LRP1B: variants seen among roughly 807,000 people sequenced by gnomAD.
The protein encoded by LRP1B is low-density lipoprotein receptor-related protein 1B.
In LRP1B, 217 loss-of-function variants were observed where a neutral mutation model predicts 556.6. The observed-to-expected ratio is 0.39, with a 90% CI of 0.35 to 0.44. The LOEUF is 0.44. LRP1B is among the 20% of genes least tolerant of loss of function. The probability of loss-of-function intolerance (pLI) is 1.00; values close to 1 mark genes in which losing one functional copy is unlikely to be tolerated. For missense variants in LRP1B, 5,053 were observed against 5,620.8 expected, an observed-to-expected ratio of 0.90 and a Z score of 3.23; for synonymous variants, 2,047 against 1,865.8, an observed-to-expected ratio of 1.10 and a Z score of -2.50.
rs555363651 is a variant in LRP1B at position 140,791,560 on chromosome 2, G to A, written c.5360-15322C>T. Among the ~76,000 whole-genome samples, 4 of 152,294 alleles carry A rather than the reference G, an allele frequency of 2.6e-5. No homozygotes were observed. The South Asian group carries it at 8.3e-4, about 32-fold the overall frequency. ...AATATGATGTTATTTTGTCCTGATA[G>A]AATGGCAATCTCTGCACTCTCTGGT... On this transcript the variant is annotated intron_variant, in intron 32 of 90. Coordinates refer to ENST00000389484, the MANE Select transcript of LRP1B (RefSeq NM_018557.3).
intron 2 of LRP1B, among the ~76,000 whole-genome samples, chr2:141,743,966 T>A (rs865927569): frequency 4.9e-5 from 6 of 123,602 alleles, no homozygotes; most frequent in East Asian, 2.5e-4. Context: ...TGTTTGATTC[T>A]TTATATTGTT....
chr2:141,169,351 C>T (rs942811911), intron 7 of LRP1B, among the ~76,000 whole-genome samples: 5 of 150,778 alleles, frequency 3.3e-5, no homozygotes, highest in African/African-American at 9.7e-5. Context: ...AGAGATGGGA[C>T]GTATGTAAGG....
chr2:142,013,433 C>G (rs1289898607), intron 1 of LRP1B, among the ~76,000 whole-genome samples: 1 of 152,000 alleles, frequency 6.6e-6, no homozygotes, highest in Non-Finnish European at 1.5e-5. Context: ...AGTTTTGTAA[C>G]AGACTAGTGT....
chr2:141,713,787 G>C (rs1481575246), intron 2 of LRP1B, among the ~76,000 whole-genome samples: 1 of 152,048 alleles, frequency 6.6e-6, no homozygotes, highest in African/African-American at 2.4e-5. Context: ...ATGAATCTTT[G>C]GAAAATATTT....
intron 32 of LRP1B, among the ~76,000 whole-genome samples, chr2:140,808,414 TGTTA>T (rs1442568925): frequency 1.3e-5 from 2 of 152,190 alleles, no homozygotes; most frequent in African/African-American, 4.8e-5. Context: ...GTTAAGCAGT[TGTTA>T]GTTCACACAG....
At chr2:141,196,683 C>T (rs1267403606) in intron 6 of LRP1B, among the ~76,000 whole-genome samples, 4 of 152,072 alleles carry the variant, frequency 2.6e-5, no homozygotes, top group Non-Finnish European at 5.9e-5. Context: ...CTACAAAACT[C>T]CTCCCCAAAT....
chr2:140,423,285 T>G (rs1255975983), intron 66 of LRP1B, among the ~76,000 whole-genome samples: 2 of 152,208 alleles, frequency 1.3e-5, no homozygotes, highest in South Asian at 4.1e-4. Flanking sequence ...GTGCCAACAT[T>G]TAACTGTATC....
At chr2:141,588,795 G>A (rs1687227746) in intron 2 of LRP1B, among the ~76,000 whole-genome samples, 1 of 152,130 alleles carries the variant, frequency 6.6e-6, no homozygotes, top group Non-Finnish European at 1.5e-5. Flanking sequence ...AAAATATGTA[G>A]ATAATCAGAT....
chr2:140,916,753 G>T (rs1694591616), intron 21 of LRP1B, among the ~76,000 whole-genome samples: 1 of 152,162 alleles, frequency 6.6e-6, no homozygotes, highest in East Asian at 1.9e-4. Context: ...ATTCTTCCTA[G>T]CCACTTTTCC....
intron 1 of LRP1B, among the ~76,000 whole-genome samples, chr2:142,024,620 G>GTT (rs3041443): frequency 0.39 from 50,897 of 130,780 alleles, 10,383 homozygotes; most frequent in Middle Eastern, 0.53. Flanking sequence ...CAGCTGAAAT[G>GTT]TTTTTTTTTT....
chr2:141,508,052 T>C (rs4954913), intron 2 of LRP1B, among the ~76,000 whole-genome samples: 147,585 of 151,482 alleles, frequency 0.97, 72,006 homozygotes, highest in East Asian at 1. Context: ...TGCCACTGCA[T>C]TCCAGTCTGG....
intron 7 of LRP1B, among the ~76,000 whole-genome samples, chr2:141,174,281 G>A (rs996453461): frequency 2.6e-5 from 4 of 152,128 alleles, no homozygotes; most frequent in Middle Eastern, 3.4e-3. Flanking sequence ...AAAATTATTT[G>A]CAGAAATTGC....
At chr2:141,387,648 T>C (rs982871465) in intron 3 of LRP1B, among the ~76,000 whole-genome samples, 15 of 152,078 alleles carry the variant, frequency 9.9e-5, no homozygotes, top group Non-Finnish European at 1.9e-4. Context: ...GTATAAGAAG[T>C]AAAGAGATAG....
intron 3 of LRP1B, among the ~76,000 whole-genome samples, chr2:141,408,868 C>T (rs1690742536): frequency 6.6e-6 from 1 of 152,062 alleles, no homozygotes; most frequent in Non-Finnish European, 1.5e-5. Context: ...TTATATATTT[C>T]CATGAGATTT....
At chr2:140,401,120 A>G (rs182001207) in intron 66 of LRP1B, among the ~76,000 whole-genome samples, 1 of 152,160 alleles carries the variant, frequency 6.6e-6, no homozygotes, top group East Asian at 1.9e-4. Flanking sequence ...GTGGGGATGA[A>G]CTCTCTTGTC....
chr2:140,797,192 A>G, intron 32 of LRP1B, among the ~76,000 whole-genome samples: 1 of 152,034 alleles, frequency 6.6e-6, no homozygotes, highest in South Asian at 2.1e-4. Flanking sequence ...GTAATATTTC[A>G]TAAATATATG....
At chr2:141,218,340 T>C (rs1467798623) in intron 6 of LRP1B, among the ~76,000 whole-genome samples, 2 of 152,174 alleles carry the variant, frequency 1.3e-5, no homozygotes, top group Admixed American at 6.5e-5. Context: ...CATGTGTACA[T>C]ACATCACAGC....
chr2:141,320,355 G>A (rs943601773), intron 3 of LRP1B, among the ~76,000 whole-genome samples: 2 of 151,938 alleles, frequency 1.3e-5, no homozygotes, highest in East Asian at 1.9e-4. Flanking sequence ...CAAAGTGTAC[G>A]ATTACAAAAA....
At chr2:141,790,702 A>T (rs916578160) in intron 2 of LRP1B, among the ~76,000 whole-genome samples, 7 of 151,984 alleles carry the variant, frequency 4.6e-5, no homozygotes, top group African/African-American at 1.7e-4. Context: ...AATGAGTTCC[A>T]TGGTAACAAA....
Sources: allele counts gnomAD v4.1 joint callset (sites outside exome capture counted in the v4.1 genomes callset), GRCh38; gene constraint gnomAD v4.1.1; transcripts MANE v1.5; gene names NCBI Gene and HGNC (gene_info 2026-07-23, HGNC 2026-07-21).